URB1: variants seen among roughly 807,000 people sequenced by gnomAD.
The protein encoded by URB1 is URB1 ribosome biogenesis factor.
A neutral mutation model predicts 242.3 loss-of-function variants in URB1; 197 were observed. The observed-to-expected ratio is 0.81, with a 90% CI of 0.72 to 0.91. URB1 has a LOEUF of 0.91. URB1 is among the 40% of genes least tolerant of loss of function. URB1 has a pLI of 0.00. For missense variants in URB1, 2,721 were observed against 2,860.5 expected (o/e 0.95, Z 1.11); for synonymous variants, 1,153 against 1,201.8 (o/e 0.96, Z 0.84).
chr21:32,334,040 T>A (rs2032926150), intron 29 of URB1, 123 bp downstream of exon 29: 2 of 1,253,306 alleles, frequency 1.6e-6, no homozygotes, highest in Non-Finnish European at 1.1e-6. Context: ...TATACCTTTA[T>A]ATATGATAAG....
At chr21:32,326,581 C>T (rs952919313) in intron 30 of URB1, among the ~76,000 whole-genome samples, 8 of 152,034 alleles carry the variant, frequency 5.3e-5, no homozygotes, top group African/African-American at 9.7e-5. Context: ...GTGGGGACTC[C>T]GGTGGGAGGT....
At position 32,321,875 on chromosome 21, in the gene URB1, G is replaced by C. The variant is rs944919136; in HGVS notation, c.5410C>G (p.Leu1804Val). ...QGIRDKQCYE[L>V]CARRGIFHII... Reference sequence around the variant, plus strand: ...TGGAAGATGCCACGCCGGGCACACAGTTCGTAGCACTGCTTGTCACGGATC... The same window carrying C: ...TGGAAGATGCCACGCCGGGCACACACTTCGTAGCACTGCTTGTCACGGATC... Residue 1804 changes from leucine to valine, a missense_variant, in exon 34 of 39, where the codon CTG becomes GTG. Leu to Val is a conservative substitution (Grantham distance 32). Transcript: ENST00000382751. The C allele has an allele frequency of 1.9e-6, 3 of 1,551,750 alleles. No homozygotes were observed. The African/African-American group carries it at 4.1e-5, about 21-fold the overall frequency.
intron 5 of URB1, 22 bp from the exon 6 acceptor site, chr21:32,375,505 C>T: frequency 1.5e-6 from 2 of 1,372,454 alleles, no homozygotes; most frequent in Middle Eastern, 3.6e-4. Context: ...AGTTTCAAAG[C>T]ATTAAATTCA....
chr21:32,347,402 G>T lies in URB1; in HGVS notation c.3422C>A (p.Thr1141Lys). The T allele has an allele frequency of 6.4e-7, 1 of 1,551,536 alleles. No homozygotes were observed. The change falls in exon 22 of 39, where the codon ACG (threonine) becomes AAG (lysine). Residue 1141 changes from threonine (T) to lysine (K), a missense_variant. By Grantham distance (78) the Thr-to-Lys change is moderately conservative (BLOSUM62 -1). Transcript: ENST00000382751. Reference protein sequence around the residue: ...PETHLVTQQPTKSPGKERHLN... With the variant: ...PETHLVTQQPKKSPGKERHLN... ...GTGTCTTTCCTTCCCGGGGGATTTC[G>T]TGGGTTGCTGGGTCACCAGGTGTGT...
At chr21:32,326,648 A>G (rs2032832995) in intron 30 of URB1, among the ~76,000 whole-genome samples, 1 of 152,138 alleles carries the variant, frequency 6.6e-6, no homozygotes, top group Admixed American at 6.5e-5. Flanking sequence ...AGTTCTCACA[A>G]GAGCTGGTTG....
Position 32,360,494 on chromosome 21 carries a change from A to C in URB1, c.1756+513T>G, listed in dbSNP as rs148613376. On this transcript the variant is annotated intron_variant, in intron 13 of 38. Transcript: ENST00000382751. ...AAATTCCAAGAATGATATTTTTGCA[A>C]GTCTTCTCCCATAGGCCCAATTATA... Among the ~76,000 whole-genome samples the C allele has an allele frequency of 8.5e-3, 1,290 of 152,344 alleles. 14 individuals carry two copies. Among genetic ancestry groups the C allele is most frequent in the Non-Finnish European group, 0.011 (764 of 68,038 alleles).
chr21:32,368,811 G>A (rs2033374810), intron 8 of URB1, among the ~76,000 whole-genome samples: 2 of 148,618 alleles, frequency 1.3e-5, no homozygotes, highest in South Asian at 4.2e-4. Context: ...CTTCTGAGTG[G>A]CTGAAAAAGT....
chr21:32,357,723 T>C, intron 14 of URB1, 67 bp from the exon 15 acceptor site: 2 of 1,180,980 alleles, frequency 1.7e-6, no homozygotes, highest in Non-Finnish European at 2.1e-6. Context: ...AATATATAGT[T>C]ATATATTAGA....
intron 29 of URB1, 52 bp from the exon 30 acceptor site, chr21:32,333,471 T>C: frequency 7.2e-7 from 1 of 1,397,694 alleles, no homozygotes; most frequent in African/African-American, 1.4e-5. Flanking sequence ...ACAAAGGTAA[T>C]ACAGGTTGAG....
At chr21:32,369,246 CT>C (rs2033381149) in intron 8 of URB1, among the ~76,000 whole-genome samples, 2 of 152,188 alleles carry the variant, frequency 1.3e-5, no homozygotes, top group Non-Finnish European at 2.9e-5. Context: ...GCCTATAGTC[CT>C]AGCTACTCAG....
chr21:32,341,879 G>A (rs889101753), intron 24 of URB1, among the ~76,000 whole-genome samples: 1 of 152,168 alleles, frequency 6.6e-6, no homozygotes, highest in South Asian at 2.1e-4. Context: ...GGGGCAGAGA[G>A]CAGAACCAAG....
At chr21:32,322,129 G>A (rs1340282325) in intron 33 of URB1, among the ~76,000 whole-genome samples, 185 bp from the exon 34 acceptor site, 1 of 152,134 alleles carries the variant, frequency 6.6e-6, no homozygotes, top group African/African-American at 2.4e-5. Flanking sequence ...AGAAATAGAG[G>A]ATCGAGTCAA....
chr21:32,317,043 C>T lies in URB1; in HGVS notation c.6057G>A (p.Lys2019=), dbSNP rs757509477. The T allele has an allele frequency of 3.9e-5, 61 of 1,544,792 alleles. No individual in the cohort carries two copies. The highest frequency in any genetic ancestry group is 5.1e-5 in the Non-Finnish European group (58 of 1,144,776). The change falls in exon 38 of 39, where the codon AAG becomes AAA. Residue 2019 remains lysine (K), a synonymous_variant. Coordinates refer to ENST00000382751, the MANE Select transcript of URB1 (RefSeq NM_014825.3). ...ELMKMLKDKN[K]PVMPARAKGP... ...CTTTGGCTCGGGCTGGCATGACAGGCTTGTTCTTATCCTTGAGCATTTCTG... is the reference window on the plus strand; with the variant it reads ...CTTTGGCTCGGGCTGGCATGACAGGTTTGTTCTTATCCTTGAGCATTTCTG...
At chr21:32,388,614 C>A (rs979752492) in intron 1 of URB1, among the ~76,000 whole-genome samples, 1 of 152,218 alleles carries the variant, frequency 6.6e-6, no homozygotes, top group African/African-American at 2.4e-5. Flanking sequence ...GTGTTCTGAC[C>A]AAGGTGACTG....
rs1009515849 is a variant in URB1, at chr21:32,316,695, G to T, written c.6405C>A (p.Val2135=). 9.7e-6 allele frequency: 15 copies of T among 1,551,254 alleles called. No individual in the cohort carries two copies. The highest frequency in any genetic ancestry group is 1.4e-5 in the African/African-American group (1 of 73,060). ...CACTGTCCTTAAGGAGGTCAGCCACGACCACAGGGTGTGGCAAAATATGGC... is the reference window on the plus strand; with the variant it reads ...CACTGTCCTTAAGGAGGTCAGCCACTACCACAGGGTGTGGCAAAATATGGC... The part of the protein sequence containing the change: ...LKSHILPHPV[V]VADLLKDSAV... The change falls in exon 38 of 39, where the codon GTC becomes GTA. Residue 2135 remains valine (V), a synonymous_variant. Transcript: ENST00000382751.
At chr21:32,353,804 T>C in intron 18 of URB1, 129 bp downstream of exon 18, 1 of 1,141,042 alleles carries the variant, frequency 8.8e-7, no homozygotes, top group Non-Finnish European at 1.2e-6. Flanking sequence ...GCTATCACTC[T>C]GGGGGTTCTG....
In URB1 at chr21:32,344,697, G is replaced by A. The variant is rs2033065786; in HGVS notation, c.4130C>T (p.Ala1377Val). Residue 1377 changes from alanine to valine, a missense_variant, in exon 24 of 39, where the codon GCC becomes GTC. By Grantham distance (64) the Ala-to-Val change is moderately conservative (BLOSUM62 0). Transcript: ENST00000382751. Reference sequence around the variant, plus strand: ...GGACTCCAAAAGGGTCCTTCTCCAGGCACACAGCTCTTCTGCTGACCCTTC... The same window carrying A: ...GGACTCCAAAAGGGTCCTTCTCCAGACACACAGCTCTTCTGCTGACCCTTC... ...ALEGSAEELC[A>V]WRRTLLESCV... The A allele has an allele frequency of 1.3e-6, 2 of 1,552,178 alleles. No individual in the cohort carries two copies. Among genetic ancestry groups the A allele is most frequent in the East Asian group, 4.9e-5 (2 of 40,930 alleles).
At chr21:32,316,385 T>C in intron 38 of URB1, 81 bp downstream of exon 38, 2 of 1,446,550 alleles carry the variant, frequency 1.4e-6, no homozygotes, top group South Asian at 1.5e-5. Flanking sequence ...ACCTGAGTGT[T>C]CTAAGCACAG....
Position 32,349,304 on chromosome 21 carries a change from C to G in URB1, c.3012G>C (p.Gln1004His). Residue 1004 changes from glutamine to histidine, a missense_variant and splice_region_variant, in exon 21 of 39, where the codon CAG becomes CAC. By Grantham distance (24) the Gln-to-His change is conservative. Coordinates refer to ENST00000382751, the MANE Select transcript of URB1 (RefSeq NM_014825.3). Reference sequence around the variant, plus strand: ...GCTACCAGGCAACCTGTGGCGGTACCTGATCATTGGCCAACTCCAGCGAGG... The same window carrying G: ...GCTACCAGGCAACCTGTGGCGGTACGTGATCATTGGCCAACTCCAGCGAGG... ...SVASLELAND[Q>H]TLEEVLVAIL... The G allele has an allele frequency of 6.5e-7, 1 of 1,539,002 alleles. No individual in the cohort carries two copies.
Sources: allele counts gnomAD v4.1 joint callset (sites outside exome capture counted in the v4.1 genomes callset), GRCh38; gene constraint gnomAD v4.1.1; transcripts MANE v1.5; gene names NCBI Gene and HGNC (gene_info 2026-07-23, HGNC 2026-07-21).